CRY2: variants seen among roughly 807,000 people sequenced by gnomAD.
CRY2 encodes cryptochrome circadian regulator 2, also known as cryptochrome-2.
In CRY2, 31 loss-of-function variants were observed where a neutral mutation model predicts 69.5. The ratio of observed to expected loss-of-function variants is 0.45; its 90% CI spans 0.34 to 0.60. CRY2 has a LOEUF of 0.60. CRY2 is among the 20% of genes least tolerant of loss of function. CRY2 has a pLI of 0.02. For synonymous variants in CRY2, 303 were observed against 312.2 expected (o/e 0.97, Z 0.31); for missense variants, 606 against 797.8 (o/e 0.76, Z 2.90).
chr11:45,874,856 T>C (rs945328975), intron 11 of CRY2, among the ~76,000 whole-genome samples: 1 of 152,052 alleles, frequency 6.6e-6, no homozygotes, highest in South Asian at 2.1e-4. Context: ...GGCAGGAGAA[T>C]CACTTGAACC....
At chr11:45,875,996 A>C (rs1196752367) in intron 11 of CRY2, among the ~76,000 whole-genome samples, 1 of 152,188 alleles carries the variant, frequency 6.6e-6, no homozygotes, top group East Asian at 1.9e-4. Flanking sequence ...AGCTGAATGG[A>C]CCACAGAGCT....
chr11:45,870,213 A>G lies in CRY2; in HGVS notation c.1346+9A>G, dbSNP rs560045288. On this transcript the variant is annotated intron_variant, in intron 8 of 11. Coordinates refer to ENST00000616080, the MANE Select transcript of CRY2 (RefSeq NM_021117.5). Reference sequence around the variant, plus strand: ...AGTGGGGACTACATCAGGTGAGGATACAGACCAGGCTCTCTGGCCTCTGAC... The same window carrying G: ...AGTGGGGACTACATCAGGTGAGGATGCAGACCAGGCTCTCTGGCCTCTGAC... 3 of 1,610,844 alleles carry G rather than the reference A, an allele frequency of 1.9e-6. No individual in the cohort carries two copies. The highest frequency in any genetic ancestry group is 2.7e-5 in the African/African-American group (2 of 75,036).
intron 2 of CRY2, 22 bp from the exon 3 acceptor site, chr11:45,858,709 A>T: frequency 6.2e-7 from 1 of 1,608,656 alleles, no homozygotes; most frequent in Non-Finnish European, 8.5e-7. Context: ...AGTGTTGAGC[A>T]TAACAGATCC....
intron 1 of CRY2, 84 bp from the exon 2 acceptor site, chr11:45,855,898 C>T (rs1036598839): frequency 6.9e-5 from 84 of 1,214,630 alleles, no homozygotes; most frequent in Admixed American, 1.9e-4. Flanking sequence ...GCATAAACAG[C>T]GAACCAGTTT....
intron 1 of CRY2, among the ~76,000 whole-genome samples, chr11:45,850,893 C>T (rs575902538): frequency 6.6e-6 from 1 of 152,110 alleles, no homozygotes; most frequent in South Asian, 2.1e-4. Flanking sequence ...CTATGAATGG[C>T]ACTAAGAGTA....
intron 1 of CRY2, among the ~76,000 whole-genome samples, chr11:45,850,386 G>A (rs1472056052): frequency 3.9e-5 from 6 of 152,102 alleles, no homozygotes; most frequent in Admixed American, 1.3e-4. Flanking sequence ...GTCCTGAGAC[G>A]GGCAACCTAG....
At chr11:45,849,482 C>T (rs2086177538) in intron 1 of CRY2, among the ~76,000 whole-genome samples, 1 of 152,136 alleles carries the variant, frequency 6.6e-6, no homozygotes, top group South Asian at 2.1e-4. Context: ...AACAAACAAC[C>T]ATAATTTAGT....
At chr11:45,869,241 T>C (rs2086354799) in intron 6 of CRY2, among the ~76,000 whole-genome samples, 1 of 152,242 alleles carries the variant, frequency 6.6e-6, no homozygotes, top group Non-Finnish European at 1.5e-5. Context: ...TGAATCCTAG[T>C]GCAGAGTCCT....
intron 6 of CRY2, among the ~76,000 whole-genome samples, chr11:45,868,875 A>T (rs1448518291): frequency 6.6e-6 from 1 of 152,190 alleles, no homozygotes; most frequent in Non-Finnish European, 1.5e-5. Flanking sequence ...GGCTCAGGCC[A>T]TCCACCCACC....
chr11:45,858,630 T>C, intron 2 of CRY2, 101 bp from the exon 3 acceptor site: 1 of 1,274,556 alleles, frequency 7.8e-7, no homozygotes, highest in Non-Finnish European at 1.1e-6. Context: ...ATCAGATAGG[T>C]CTCTAGACTA....
chr11:45,876,568 C>G (rs1029457279), intron 11 of CRY2, among the ~76,000 whole-genome samples: 2 of 152,200 alleles, frequency 1.3e-5, no homozygotes, highest in Non-Finnish European at 2.9e-5. Flanking sequence ...GGGAGAACAG[C>G]TCACGTGTTC....
chr11:45,864,288 A>G (rs768461524), intron 5 of CRY2, among the ~76,000 whole-genome samples: 10 of 152,346 alleles, frequency 6.6e-5, no homozygotes, highest in Non-Finnish European at 1.3e-4. Flanking sequence ...AAAAAATGGC[A>G]TAAAATGTGC....
chr11:45,878,268 G>A (rs975049431), intron 11 of CRY2, among the ~76,000 whole-genome samples: 2 of 152,126 alleles, frequency 1.3e-5, no homozygotes, highest in African/African-American at 4.8e-5. Flanking sequence ...GCTCCTTAAG[G>A]CCCAGGAACC....
intron 1 of CRY2, 71 bp from the exon 2 acceptor site, chr11:45,855,911 C>T (rs1395957224): frequency 7.5e-7 from 1 of 1,337,230 alleles, no homozygotes; most frequent in Non-Finnish European, 1.1e-6. Context: ...ACCAGTTTCT[C>T]CCTGCTTTGT....
upstream of CRY2, chr11:45,847,129 G>A (rs1010061164): frequency 1.3e-6 from 2 of 1,505,466 alleles, no homozygotes; most frequent in African/African-American, 2.8e-5. Context: ...GCTTCTTCTA[G>A]AAGCAGGCCC....
chr11:45,858,733 A>C lies in CRY2; in HGVS notation c.327A>C (p.Glu109Asp). The change falls in exon 3 of 12, where the codon GAA becomes GAC. Residue 109 changes from glutamate (E) to aspartate (D), a missense_variant and splice_region_variant. By Grantham distance (45) the Glu-to-Asp change is conservative. This residue lies in a region of CRY2 where 382 missense variants were observed against 508.9 expected (regional missense o/e 0.75). Coordinates refer to ENST00000616080, the MANE Select transcript of CRY2 (RefSeq NM_021117.5). Reference protein sequence around the residue: ...PADVFPRLFKEWGVTRLTFEY... With the variant: ...PADVFPRLFKDWGVTRLTFEY... Reference sequence around the variant, plus strand: ...CATAACAGATCCTCTCCCCACAGGAATGGGGAGTGACCCGCTTGACCTTTG... The same window carrying C: ...CATAACAGATCCTCTCCCCACAGGACTGGGGAGTGACCCGCTTGACCTTTG... The C allele has an allele frequency of 6.2e-7, 1 of 1,613,454 alleles. No individual in the cohort carries two copies. Among genetic ancestry groups the C allele is most frequent in the Non-Finnish European group, 8.5e-7 (1 of 1,179,568 alleles).
At chr11:45,858,933 T>C in intron 3 of CRY2, 60 bp downstream of exon 3, 17 of 1,579,366 alleles carry the variant, frequency 1.1e-5, no homozygotes, top group Non-Finnish European at 1.5e-5. Flanking sequence ...TTTGGGCCCC[T>C]GCTGAGCGGA....
chr11:45,868,365 A>G (rs1416638080), intron 6 of CRY2, among the ~76,000 whole-genome samples: 1 of 152,240 alleles, frequency 6.6e-6, no homozygotes, highest in Non-Finnish European at 1.5e-5. Flanking sequence ...TTTATTTAAG[A>G]GACAAAGTCT....
At chr11:45,879,440 C>T (rs561074506) in intron 11 of CRY2, among the ~76,000 whole-genome samples, 22 of 152,358 alleles carry the variant, frequency 1.4e-4, no homozygotes, top group Admixed American at 3.3e-4. Flanking sequence ...CTAATAACAG[C>T]TTAATTCACA....
Sources: allele counts gnomAD v4.1 joint callset (sites outside exome capture counted in the v4.1 genomes callset), GRCh38; gene constraint gnomAD v4.1.1; regional missense constraint gnomAD v4.1.1; transcripts MANE v1.5; gene names NCBI Gene and HGNC (gene_info 2026-07-23, HGNC 2026-07-21).